Variants in DSC3 observed in about 807,000 individuals in gnomAD.
DSC3 encodes desmocollin-3.
Under a neutral mutation model 89.5 loss-of-function variants are expected in DSC3, and 97 were observed. The observed-to-expected ratio is 1.08, with a 90% confidence interval of 0.92 to 1.28. The LOEUF is 1.28. Ranked by LOEUF, DSC3 falls within the 50% of genes most tolerant of loss-of-function variation. The probability of loss-of-function intolerance (pLI) is 0.00; values close to 1 mark genes in which losing one functional copy is unlikely to be tolerated. For missense variants in DSC3, 1,199 were observed against 1,085.3 expected (o/e 1.10, Z -1.47); for synonymous variants, 436 against 384.1 (o/e 1.14, Z -1.58).
In DSC3 at chr18:30,993,914, T is replaced by TA. The variant is rs1222542700; in HGVS notation, c.*260dup. On this transcript the variant is annotated 3_prime_UTR_variant, in exon 16 of 16. Transcript: ENST00000360428. ...AGCATATTTATTACTAAAATATCCG[T>TA]AAAAAAAAAAAAGAGCAGATGCTTT... 48,033 of 294,890 alleles carry TA rather than the reference T, an allele frequency of 0.16. 300 individuals are homozygous for TA. Among genetic ancestry groups the TA allele is most frequent in the South Asian group, 0.23 (5,621 of 24,274 alleles). 18.3% of individuals were successfully genotyped at this position (294,890 alleles called of 1,614,324 possible).
At chr18:31,004,068 A>ATT (rs1567950828) in intron 13 of DSC3, 74 bp downstream of exon 13, 1 of 1,207,254 alleles carries the variant, frequency 8.3e-7, no homozygotes, top group African/African-American at 1.5e-5. Context: ...GGACGAGATT[A>ATT]TTTTTTAAAC....
intron 1 of DSC3, among the ~76,000 whole-genome samples, chr18:31,035,500 A>G (rs1985941555): frequency 1.3e-5 from 2 of 152,074 alleles, no homozygotes; most frequent in African/African-American, 2.4e-5. Flanking sequence ...TTCCTTAAGT[A>G]TATAGTTGTC....
At chr18:31,021,889 AG>A in intron 7 of DSC3, among the ~76,000 whole-genome samples, 1 of 152,176 alleles carries the variant, frequency 6.6e-6, no homozygotes, top group South Asian at 2.1e-4. Flanking sequence ...CATCCAAAAA[AG>A]TGTTTCATAT....
At chr18:31,015,923 G>GT (rs1050582599) in intron 9 of DSC3, among the ~76,000 whole-genome samples, 2 of 152,304 alleles carry the variant, frequency 1.3e-5, no homozygotes, top group African/African-American at 4.8e-5. Context: ...ACAGTATGCA[G>GT]TCAAGAAACC....
At chr18:31,000,956 T>C (rs1598599356) in intron 14 of DSC3, among the ~76,000 whole-genome samples, 1 of 151,726 alleles carries the variant, frequency 6.6e-6, no homozygotes, top group East Asian at 1.9e-4. Context: ...GGTAAGAACA[T>C]GCCTTGTAAG....
At position 31,029,635 on chromosome 18, in the gene DSC3, T is replaced by C; in HGVS notation, c.355-7A>G. ...TGTGTCTTGTCTTCGATACCTGAAT[T>C]TAGAGAAAAACAAATACATGAATAA... On this transcript the variant is annotated splice_region_variant and splice_polypyrimidine_tract_variant and intron_variant, in intron 3 of 15. Coordinates refer to ENST00000360428, the MANE Select transcript of DSC3 (RefSeq NM_001941.5). The C allele has an allele frequency of 6.2e-7, 1 of 1,613,610 alleles. No individual in the cohort carries two copies. Among genetic ancestry groups the C allele is most frequent in the Non-Finnish European group, 8.5e-7 (1 of 1,179,548 alleles).
At chr18:31,005,925 A>C (rs1444966548) in intron 12 of DSC3, among the ~76,000 whole-genome samples, 1 of 152,184 alleles carries the variant, frequency 6.6e-6, no homozygotes, top group African/African-American at 2.4e-5. Context: ...CGAGTGCTTA[A>C]TAGATAGTAG....
chr18:31,027,496 C>T (rs865929510), intron 4 of DSC3, among the ~76,000 whole-genome samples: 2 of 150,924 alleles, frequency 1.3e-5, no homozygotes, highest in African/African-American at 4.9e-5. Context: ...TCCTTCCTTC[C>T]TTCTTTCCTT....
chr18:31,003,345 T>G (rs1472527138), intron 13 of DSC3, among the ~76,000 whole-genome samples: 2 of 152,210 alleles, frequency 1.3e-5, no homozygotes, highest in African/African-American at 4.8e-5. Flanking sequence ...TCTTTCCCTA[T>G]TTTTCCTAAG....
Position 30,996,796 on chromosome 18 carries a change from C to T in DSC3, c.2488G>A (p.Gly830Ser), listed in dbSNP as rs142851621. Residue 830 changes from glycine (G) to serine (S), a missense_variant, in exon 15 of 16, where the codon GGT becomes AGT. Gly to Ser is a moderately conservative substitution (Grantham distance 56, BLOSUM62 0). Coordinates refer to ENST00000360428, the MANE Select transcript of DSC3 (RefSeq NM_001941.5). ...AAACACCTAAGGAAACTCACTTCAC[C>T]GAGACGGGGTTGAGTAAAACTGTGC... ...EWHSFTQPRLGEKLHRCNQNE... is the reference protein window; with the variant it reads ...EWHSFTQPRLSEKLHRCNQNE... 1.8e-4 allele frequency: 297 copies of T among 1,613,492 alleles called. No homozygotes were observed. The African/African-American group carries it at 3.3e-3, about 18-fold the overall frequency.
chr18:31,022,640 A>T, intron 6 of DSC3, 138 bp from the exon 7 acceptor site: 1 of 1,071,380 alleles, frequency 9.3e-7, no homozygotes, highest in Admixed American at 2.0e-5. Flanking sequence ...GTATTATTTC[A>T]TCTTTAGATA....
rs1196444633 is a variant in DSC3 at position 30,995,971 on chromosome 18, TAAAAAAAAAAAAAAA to T, written c.2493+805_2493+819del. 1.1e-4 allele frequency among the ~76,000 whole-genome samples: 4 copies of T among 37,022 alleles called. No homozygotes were observed. The East Asian group carries it at 2.8e-3, about 25-fold the overall frequency. 24.3% of individuals were successfully genotyped at this position (37,022 alleles called of 152,430 possible). A position where few individuals can be genotyped will look rare whatever the true frequency, so the allele number is the denominator to read the frequency against. ...TCAGCGACAGAGCAAGACCCTGCCT[TAAAAAAAAAAAAAAA>T]AAAAAAAAAAAAAGAAAAGAAAGAA... On this transcript the variant is annotated intron_variant, in intron 15 of 15. Transcript: ENST00000360428.
intron 9 of DSC3, among the ~76,000 whole-genome samples, chr18:31,012,082 C>G (rs1985089066): frequency 6.6e-6 from 1 of 150,900 alleles, no homozygotes. Context: ...ATCAAAGGAG[C>G]CCTGTGATAA....
At position 31,001,641 on chromosome 18, in the gene DSC3, CTG is replaced by C. The variant is rs778134534; in HGVS notation, c.2210_2211del (p.Thr737ArgfsTer7). 7 of 1,610,932 alleles carry C rather than the reference CTG, an allele frequency of 4.3e-6. No homozygotes were observed. The East Asian group carries it at 1.6e-4, about 36-fold the overall frequency. On this transcript the variant is annotated frameshift_variant, in exon 14 of 16. Coordinates refer to ENST00000360428, the MANE Select transcript of DSC3 (RefSeq NM_001941.5). LOFTEE classifies it high-confidence loss of function. Reference protein sequence around the residue: ...LAQQNLIISNTEAPGDDRVCS... With the variant: ...LAQQNLIISNXEAPGDDRVCS... ...ACCACTCTATCGTCTCCAGGTGCTT[CTG>C]TGTTTGATATAATTAAGTTTTGCTG...
chr18:31,024,285 T>G, intron 6 of DSC3, 64 bp downstream of exon 6: 2 of 1,459,570 alleles, frequency 1.4e-6, no homozygotes, highest in Non-Finnish European at 1.8e-6. Flanking sequence ...AAAAGCTCTA[T>G]GTCTTTTAAA....
chr18:31,033,017 G>A (rs1322615278), intron 1 of DSC3, among the ~76,000 whole-genome samples: 1 of 152,036 alleles, frequency 6.6e-6, no homozygotes, highest in East Asian at 1.9e-4. Context: ...CTGCATTTCT[G>A]TACACTAGCA....
At chr18:31,008,800 C>T (rs1291048688) in intron 9 of DSC3, among the ~76,000 whole-genome samples, 1 of 152,146 alleles carries the variant, frequency 6.6e-6, no homozygotes, top group Non-Finnish European at 1.5e-5. Flanking sequence ...GAAAATTACT[C>T]TGATTCAAAA....
intron 13 of DSC3, among the ~76,000 whole-genome samples, chr18:31,002,092 G>A (rs1019112075): frequency 6.6e-6 from 1 of 152,038 alleles, no homozygotes. Flanking sequence ...TTTCCTACAT[G>A]AAATGTAAAA....
intron 4 of DSC3, among the ~76,000 whole-genome samples, chr18:31,027,876 T>C (rs982080169): frequency 4.6e-5 from 7 of 152,156 alleles, no homozygotes; most frequent in Admixed American, 1.3e-4. Flanking sequence ...GAGAGAACTA[T>C]GTTTTCTGCA....
Sources: allele counts gnomAD v4.1 joint callset (sites outside exome capture counted in the v4.1 genomes callset), GRCh38; gene constraint gnomAD v4.1.1; transcripts MANE v1.5; gene names NCBI Gene and HGNC (gene_info 2026-07-23, HGNC 2026-07-21).